Variants in NIN observed in about 807,000 individuals in gnomAD.
NIN encodes the protein ninein.
A neutral mutation model predicts 257.6 loss-of-function variants in NIN; 137 were observed. That is an observed-to-expected ratio of 0.53 (90% CI 0.46 to 0.61). The LOEUF is 0.61. Ranked by LOEUF, NIN falls within the 20% of genes least tolerant of loss-of-function variation. NIN has a pLI of 0.00. For missense variants in NIN, 2,439 were observed against 2,501.2 expected, an observed-to-expected ratio of 0.98 and a Z score of 0.53; for synonymous variants, 918 against 919.8, an observed-to-expected ratio of 1.00 and a Z score of 0.04.
chr14:50,746,034 TA>T (rs35691375), intron 22 of NIN, among the ~76,000 whole-genome samples: 37,767 of 135,376 alleles, frequency 0.28, 5,089 homozygotes, highest in East Asian at 0.53. Flanking sequence ...AATGCTTGTT[TA>T]AAAAAAAAAA....
intron 15 of NIN, 125 bp downstream of exon 15, chr14:50,763,701 T>G: frequency 5.2e-6 from 4 of 765,066 alleles, no homozygotes; most frequent in Non-Finnish European, 7.9e-6. Context: ...AAGAAAAGAG[T>G]ATGGCCAAAT....
At chr14:50,776,699 G>A (rs1352128265) in intron 7 of NIN, among the ~76,000 whole-genome samples, 1 of 152,218 alleles carries the variant, frequency 6.6e-6, no homozygotes, top group Non-Finnish European at 1.5e-5. Context: ...GTGCCTGACA[G>A]TTTCACATGG....
intron 2 of NIN, among the ~76,000 whole-genome samples, chr14:50,825,811 T>C (rs1197259027): frequency 6.6e-6 from 1 of 152,228 alleles, no homozygotes; most frequent in Non-Finnish European, 1.5e-5. Flanking sequence ...CAACACTCCA[T>C]GGCCACAAAC....
intron 4 of NIN, among the ~76,000 whole-genome samples, chr14:50,803,550 C>T (rs954048779): frequency 2.0e-5 from 3 of 152,164 alleles, no homozygotes; most frequent in Non-Finnish European, 4.4e-5. Context: ...CGAAGACTGG[C>T]TCACCCATTT....
At position 50,754,483 on chromosome 14, in the gene NIN, G is replaced by C. The variant is rs2041935914; in HGVS notation, c.4734+80C>G. The C allele has an allele frequency of 3.6e-6, 4 of 1,111,880 alleles. No individual in the cohort carries two copies. The South Asian group carries it at 5.5e-5, about 15-fold the overall frequency. 68.9% of individuals were successfully genotyped at this position (1,111,880 alleles called of 1,614,324 possible). A position where few individuals can be genotyped will look rare whatever the true frequency, so the allele number is the denominator to read the frequency against. ...TTAGCTATATGCTATTCATTACCGT[G>C]TGCTGTAAATTTATAAATTTCAAAA... On this transcript the variant is annotated intron_variant, in intron 20 of 30. Transcript: ENST00000530997.
intron 12 of NIN, among the ~76,000 whole-genome samples, chr14:50,768,344 G>A (rs1477935901): frequency 6.6e-6 from 1 of 152,122 alleles, no homozygotes; most frequent in Non-Finnish European, 1.5e-5. Flanking sequence ...GTAGAGCCTA[G>A]AACAACATAG....
rs145331481 is a variant in NIN at position 50,814,113 on chromosome 14, T to C, written c.184-7295A>G. Among the ~76,000 whole-genome samples, 247 of 152,244 alleles carry C rather than the reference T, an allele frequency of 1.6e-3. 2 individuals carry two copies. Among genetic ancestry groups the C allele is most frequent in the African/African-American group, 5.3e-3 (220 of 41,556 alleles). On this transcript the variant is annotated intron_variant, in intron 3 of 30. Transcript: ENST00000530997. ...AATATTCATTTATTAAATTATAATA[T>C]TGTAACTTAATTTACTGCAGACAAT...
At chr14:50,739,254 T>C in intron 26 of NIN, 54 bp downstream of exon 26, 1 of 1,549,382 alleles carries the variant, frequency 6.5e-7, no homozygotes, top group Non-Finnish European at 8.9e-7. Context: ...TTCATTTTCC[T>C]ATCAAACTAG....
Position 50,719,944 on chromosome 14 carries a change from C to T in NIN, c.*3519G>A, listed in dbSNP as rs1263884703. ...TCATTAATCTTTATCTGAACAGAAA[C>T]ATAGAGATGGCTTTAGATAATCTGT... On this transcript the variant is annotated 3_prime_UTR_variant, in exon 31 of 31. Coordinates refer to ENST00000530997, the MANE Select transcript of NIN (RefSeq NM_020921.4). 4 of 213,718 alleles carry T rather than the reference C, an allele frequency of 1.9e-5. No individual in the cohort carries two copies. Among genetic ancestry groups the T allele is most frequent in the African/African-American group, 6.8e-5 (3 of 44,238 alleles). 13.2% of individuals were successfully genotyped at this position (213,718 alleles called of 1,614,324 possible). A position where few individuals can be genotyped will look rare whatever the true frequency, so the allele number is the denominator to read the frequency against.
At chr14:50,827,996 A>G (rs1218231304) in intron 2 of NIN, among the ~76,000 whole-genome samples, 1 of 151,608 alleles carries the variant, frequency 6.6e-6, no homozygotes, top group Non-Finnish European at 1.5e-5. Context: ...AACAAAAAAC[A>G]CAACAACAAA....
chr14:50,723,957 G>T (rs896436491), intron 30 of NIN: 1 of 339,284 alleles, frequency 2.9e-6, no homozygotes, highest in Middle Eastern at 8.8e-4. Flanking sequence ...TACCTAAATA[G>T]GCATTATTTC....
chr14:50,767,756 G>A (rs1595820722), intron 12 of NIN, among the ~76,000 whole-genome samples: 1 of 150,952 alleles, frequency 6.6e-6, no homozygotes, highest in East Asian at 2.0e-4. Context: ...GGTGGAGCTT[G>A]CAGTGAGCCG....
intron 4 of NIN, among the ~76,000 whole-genome samples, chr14:50,795,596 C>T (rs554407491): frequency 2.0e-5 from 3 of 152,172 alleles, no homozygotes; most frequent in Non-Finnish European, 4.4e-5. Context: ...CCTGGGGCTA[C>T]GTTTATTTAC....
At chr14:50,820,430 T>G (rs953145538) in intron 3 of NIN, among the ~76,000 whole-genome samples, 1 of 152,200 alleles carries the variant, frequency 6.6e-6, no homozygotes, top group African/African-American at 2.4e-5. Context: ...AAACCTTAGT[T>G]GTATCATGCC....
intron 4 of NIN, among the ~76,000 whole-genome samples, chr14:50,796,447 G>C (rs977554092): frequency 6.6e-6 from 1 of 152,170 alleles, no homozygotes; most frequent in Non-Finnish European, 1.5e-5. Context: ...CATCTGATTC[G>C]AGAGTTAAAA....
Position 50,743,495 on chromosome 14 carries a change from G to T in NIN, c.5222C>A (p.Ala1741Glu). 1 of 1,613,350 alleles carries T rather than the reference G, an allele frequency of 6.2e-7. No individual in the cohort carries two copies. The change falls in exon 24 of 31, where the codon GCG (alanine) becomes GAG (glutamate). Residue 1741 changes from alanine to glutamate, a missense_variant. This residue lies in a region of NIN where 2,043 missense variants were observed against 2,050.2 expected (regional missense o/e 1.00). Coordinates refer to ENST00000530997, the MANE Select transcript of NIN (RefSeq NM_020921.4). ...GGATTTCTGTTCCTGCTTCATCGTC[G>T]CAATTCTATGCTCTAAAAGACTTGA... is the stretch of plus-strand genomic sequence containing the variant. ...AKSSLLEHRI[A>E]TMKQEQKSWE...
intron 27 of NIN, 131 bp downstream of exon 27, chr14:50,738,009 C>T: frequency 1.2e-6 from 1 of 852,178 alleles, no homozygotes; most frequent in Non-Finnish European, 1.8e-6. Flanking sequence ...GACAAGATAA[C>T]AGCATAAAGA....
At chr14:50,747,750 A>AGG (rs533666591) in intron 22 of NIN, among the ~76,000 whole-genome samples, 118 of 145,338 alleles carry the variant, frequency 8.1e-4, no homozygotes, top group South Asian at 3.8e-3. Context: ...AAAAAAAAAA[A>AGG]GGGGGGGATT....
intron 3 of NIN, among the ~76,000 whole-genome samples, 166 bp from the exon 4 acceptor site, chr14:50,806,984 G>A (rs1448189415): frequency 6.6e-6 from 1 of 152,076 alleles, no homozygotes. Flanking sequence ...GGGAAAATAG[G>A]CTGATCATTT....
Sources: allele counts gnomAD v4.1 joint callset (sites outside exome capture counted in the v4.1 genomes callset), GRCh38; gene constraint gnomAD v4.1.1; regional missense constraint gnomAD v4.1.1; transcripts MANE v1.5; gene names NCBI Gene and HGNC (gene_info 2026-07-23, HGNC 2026-07-21).